The following UVSSA variants were observed in gnomAD, a reference collection of about 807,000 sequenced individuals.
The protein encoded by UVSSA is UV-stimulated scaffold protein A.
In UVSSA, 72 loss-of-function variants were observed where a neutral mutation model predicts 73.9. That is an observed-to-expected ratio of 0.97 (90% CI 0.81 to 1.19). The LOEUF (loss-of-function observed/expected upper bound fraction) is 1.19. UVSSA is among the 50% of genes most tolerant of loss of function. The probability of loss-of-function intolerance (pLI) is 0.00; values close to 1 mark genes in which losing one functional copy is unlikely to be tolerated. For missense variants in UVSSA, 1,150 were observed against 965.0 expected (o/e 1.19, Z -2.54); for synonymous variants, 454 against 391.3 (o/e 1.16, Z -1.89).
At chr4:1,382,646 T>A (rs1199109116) in intron 12 of UVSSA, among the ~76,000 whole-genome samples, 1 of 152,240 alleles carries the variant, frequency 6.6e-6, no homozygotes, top group Non-Finnish European at 1.5e-5. Flanking sequence ...GCCTTCTTAT[T>A]ACTGGGAGAT....
At chr4:1,392,441 A>G (rs1720431003), downstream of UVSSA, 1 of 152,228 alleles carries the variant, frequency 6.6e-6, no homozygotes, top group Admixed American at 6.5e-5. Context: ...CTTCAGCCTC[A>G]AGTATTTCTT....
rs764179233 is a variant in UVSSA, at chr4:1,394,522, C to T, written c.*8561C>T. On this transcript the variant is annotated 3_prime_UTR_variant, in exon 14 of 14. Transcript: ENST00000511216. ...GTCCCTGCACCTCTTATGCATGAGC[C>T]CTCGCTTTGTGCCAATGTGGAGTGC... 4 of 1,587,526 alleles carry T rather than the reference C, an allele frequency of 2.5e-6. No individual in the cohort carries two copies. The South Asian group carries it at 3.4e-5, about 13-fold the overall frequency.
chr4:1,356,467 C>T (rs1715780315), intron 7 of UVSSA: 6 of 152,270 alleles, frequency 3.9e-5, no homozygotes, highest in Admixed American at 3.9e-4. Context: ...AGCCCACTGG[C>T]CTCGCCGCTG....
intron 7 of UVSSA, 86 bp from the exon 8 acceptor site, chr4:1,366,234 T>C (rs1717305254): frequency 9.5e-7 from 1 of 1,047,914 alleles, no homozygotes; most frequent in Non-Finnish European, 1.4e-6. Context: ...CCACAAGAAA[T>C]AGGAATTTCC....
Position 1,380,983 on chromosome 4 carries a change from G to T in UVSSA, c.1856G>T (p.Arg619Leu), listed in dbSNP as rs762934221. 1.5e-5 allele frequency: 24 copies of T among 1,611,994 alleles called. No individual in the cohort carries two copies. In the Admixed American group the frequency reaches 2.7e-4, roughly 18 times the overall value. The change falls in exon 12 of 14, where the codon CGC becomes CTC. Residue 619 changes from arginine (R) to leucine (L), a missense_variant. Physicochemically the swap from Arg to Leu is moderately radical, Grantham distance 102 (BLOSUM62 -2). Transcript: ENST00000389851. ...CGGCGGCAGCTGCAGAAGCAGGAGC[G>T]CCCGGGTAGGTCTGGGCAAGGCGGT... ...EQRRQLQKQE[R>L]PEWQDPELMR...
intron 5 of UVSSA, chr4:1,354,491 C>A: frequency 1.9e-6 from 1 of 533,080 alleles, no homozygotes. Context: ...GCCAAGGAGA[C>A]TGAGACACAG....
At chr4:1,367,066 C>T (rs1025700704) in intron 8 of UVSSA, among the ~76,000 whole-genome samples, 10 of 152,208 alleles carry the variant, frequency 6.6e-5, no homozygotes, top group Non-Finnish European at 1.2e-4. Context: ...CGCTCCTCAC[C>T]GCTGGTGATG....
At position 1,353,379 on chromosome 4, in the gene UVSSA, G is replaced by A. The variant is rs374676414; in HGVS notation, c.900G>A (p.Ser300=). Residue 300 remains serine (S), a synonymous_variant, in exon 5 of 14, where the codon TCG becomes TCA. Coordinates refer to ENST00000389851, the MANE Select transcript of UVSSA (RefSeq NM_020894.4). ...TTGTGCGGAGCCACGGGCTGGGCTC[G>A]CACAAGTACACGCTGGATGTGGAGC... ...EEFVRSHGLG[S]HKYTLDVELC... 479 of 1,597,750 alleles carry A rather than the reference G, an allele frequency of 3.0e-4. No homozygotes were observed. In the African/African-American group the frequency reaches 4.6e-3, roughly 15 times the overall value.
At chr4:1,373,349 C>CGAG (rs1387240711) in intron 8 of UVSSA, among the ~76,000 whole-genome samples, 1 of 152,142 alleles carries the variant, frequency 6.6e-6, no homozygotes, top group Admixed American at 6.5e-5. Flanking sequence ...GGCTGGGAGG[C>CGAG]GAGGCCGTCC....
rs767754198 is a variant in UVSSA, at chr4:1,385,976, T to C, written c.*15T>C. On this transcript the variant is annotated 3_prime_UTR_variant, in exon 14 of 14. Coordinates refer to ENST00000389851, the MANE Select transcript of UVSSA (RefSeq NM_020894.4). ...CACTGAACTAGAGAGCGGGGCCCAG[T>C]GCACTGGCCATCAGCACTTTCTCCC... The C allele has an allele frequency of 6.2e-7, 1 of 1,613,658 alleles. No homozygotes were observed. Among genetic ancestry groups the C allele is most frequent in the Non-Finnish European group, 8.5e-7 (1 of 1,179,798 alleles).
At chr4:1,347,115 G>A (rs1055583736), upstream of UVSSA, among the ~76,000 whole-genome samples, 1 of 152,044 alleles carries the variant, frequency 6.6e-6, no homozygotes, top group African/African-American at 2.4e-5. Context: ...GTGACCCCAG[G>A]TCCTGATGCG....
At chr4:1,366,221 G>C (rs1236492158) in intron 7 of UVSSA, 99 bp from the exon 8 acceptor site, 8 of 935,644 alleles carry the variant, frequency 8.6e-6, no homozygotes, top group Non-Finnish European at 1.2e-5. Context: ...AGGGGAAAAA[G>C]CTCCACAAGA....
In UVSSA at chr4:1,366,465, G is replaced by C. The variant is rs775831058; in HGVS notation, c.1288+34G>C. ...TGGGTCCCGTGGGGGGGGCACCTGG[G>C]TGGAGGGTCCCCCACTCAGGATGTG... On this transcript the variant is annotated intron_variant, in intron 8 of 13. Coordinates refer to ENST00000389851, the MANE Select transcript of UVSSA (RefSeq NM_020894.4). 1.2e-5 allele frequency: 18 copies of C among 1,536,132 alleles called. No individual in the cohort carries two copies. In the East Asian group the frequency reaches 4.1e-4, roughly 35 times the overall value.
chr4:1,372,612 G>A (rs142848222), intron 8 of UVSSA, among the ~76,000 whole-genome samples: 118 of 142,224 alleles, frequency 8.3e-4, no homozygotes, highest in Middle Eastern at 3.6e-3. Context: ...ATATGAACAC[G>A]TGGGTTTGGG....
intron 12 of UVSSA, among the ~76,000 whole-genome samples, 167 bp from the exon 13 acceptor site, chr4:1,383,599 C>G (rs1314111012): frequency 6.6e-6 from 1 of 152,186 alleles, no homozygotes; most frequent in Non-Finnish European, 1.5e-5. Context: ...TCAGGGAACC[C>G]TAACCGCTGA....
At chr4:1,378,179 G>A (rs1719002154) in intron 10 of UVSSA, among the ~76,000 whole-genome samples, 1 of 152,220 alleles carries the variant, frequency 6.6e-6, no homozygotes, top group African/African-American at 2.4e-5. Flanking sequence ...GGCCTGGCCA[G>A]GCCGTGGTGG....
At chr4:1,349,323 C>T (rs1024410641) in intron 2 of UVSSA, among the ~76,000 whole-genome samples, 22 of 152,188 alleles carry the variant, frequency 1.4e-4, no homozygotes, top group African/African-American at 4.8e-4. Context: ...GTGGGCCACA[C>T]AGAAACAGGC....
chr4:1,345,869 TAAC>T (rs1032072081), upstream of UVSSA, among the ~76,000 whole-genome samples: 66 of 151,782 alleles, frequency 4.3e-4, no homozygotes, highest in African/African-American at 1.6e-3. Context: ...TGAGAACTAG[TAAC>T]AACAAAAAAA....
exon 14 of UVSSA, chr4:1,395,351 C>A (rs371091291): frequency 1.3e-6 from 2 of 1,541,474 alleles, no homozygotes; most frequent in African/African-American, 1.6e-5. Flanking sequence ...GGGTGCCCGC[C>A]TGCTCACATG....
Sources: gnomAD v4.1 joint callset for allele counts (sites outside exome capture counted in the v4.1 genomes callset) on GRCh38, gnomAD v4.1.1 for gene constraint, MANE v1.5 for transcripts, NCBI Gene and HGNC (gene_info 2026-07-23, HGNC 2026-07-21) for gene names.